The following SLC2A11 variants were observed in gnomAD, a reference collection of about 807,000 sequenced individuals.
The protein encoded by SLC2A11 is solute carrier family 2 member 11.
Under a neutral mutation model 52.1 loss-of-function variants are expected in SLC2A11, and 43 were observed. That is an observed-to-expected ratio of 0.82 (90% CI 0.65 to 1.06). SLC2A11 has a LOEUF of 1.06. SLC2A11 is among the 50% of genes least tolerant of loss of function. SLC2A11 has a pLI of 0.00. For synonymous variants in SLC2A11, 261 were observed against 277.6 expected, an observed-to-expected ratio of 0.94 and a Z score of 0.59; for missense variants, 582 against 654.2, an observed-to-expected ratio of 0.89 and a Z score of 1.20.
At position 23,884,892 on chromosome 22, in the gene SLC2A11, C is replaced by T. The variant is rs1210736433; in HGVS notation, c.*43C>T. The T allele has an allele frequency of 6.5e-7, 1 of 1,550,036 alleles. No homozygotes were observed. The highest frequency in any genetic ancestry group is 2.2e-5 in the East Asian group (1 of 44,472). The stretch of plus-strand genomic sequence containing the variant: ...GAGCCAAAGCCAGCTACTGTCCTGT[C>T]CTCTGCTTCCTGCCAGGGCCCTGGT... On this transcript the variant is annotated 3_prime_UTR_variant, in exon 12 of 12. Transcript: ENST00000316185. The surrounding 1 kb of genome is among the most constrained non-coding windows in gnomAD (Gnocchi z 4.3).
chr22:23,875,267 G>A, intron 4 of SLC2A11, 26 bp downstream of exon 4: 1 of 1,363,720 alleles, frequency 7.3e-7, no homozygotes. Flanking sequence ...TTCTCATCCT[G>A]CCTCTCTATG....
Position 23,877,738 on chromosome 22 carries a change from C to G in SLC2A11, c.563C>G (p.Pro188Arg), listed in dbSNP as rs772886467. The G allele has an allele frequency of 1.0e-5, 16 of 1,598,130 alleles. No homozygotes were observed. The highest frequency in any genetic ancestry group is 1.3e-5 in the Non-Finnish European group (15 of 1,173,092). ...VVGLRELLGG[P>R]QAWPLLLASC... ...CTCCTTAGGGAGCTCCTAGGTGGCC[C>G]TCAGGCCTGGCCCCTGCTGCTGGCC... The change falls in exon 6 of 12, where the codon CCT becomes CGT. Residue 188 changes from proline to arginine, a missense_variant. Transcript: ENST00000316185.
At chr22:23,863,608 G>GTT (rs71184923) in intron 2 of SLC2A11, among the ~76,000 whole-genome samples, 16,154 of 86,732 alleles carry the variant, frequency 0.19, 3,478 homozygotes, top group Non-Finnish European at 0.24. Context: ...TCTCTCTCTG[G>GTT]TTTTTTTTTT....
intron 1 of SLC2A11, among the ~76,000 whole-genome samples, chr22:23,860,482 A>G (rs945592525): frequency 1.3e-5 from 2 of 152,132 alleles, no homozygotes; most frequent in Non-Finnish European, 2.9e-5. Context: ...GACGACCTCA[A>G]CTACAGGTCG....
rs17550723 is a variant in SLC2A11, at chr22:23,857,924, T to C, written c.-76T>C. The stretch of plus-strand genomic sequence containing the variant: ...GCTGCCCTTCCCTCCGCGCACAGGC[T>C]GCCGGCTCACCGCTTGCTAATGGCA... On this transcript the variant is annotated 5_prime_UTR_variant, in exon 1 of 12. Transcript: ENST00000316185. 8.1e-5 allele frequency: 129 copies of C among 1,588,730 alleles called. 1 individual carries two copies. Among genetic ancestry groups the C allele is most frequent in the Admixed American group, 5.0e-4 (29 of 57,914 alleles).
intron 1 of SLC2A11, among the ~76,000 whole-genome samples, chr22:23,859,538 A>G (rs2031978090): frequency 6.6e-6 from 1 of 151,764 alleles, no homozygotes; most frequent in Non-Finnish European, 1.5e-5. Flanking sequence ...CCCAGGCAGG[A>G]GGGCAGTGGC....
intron 2 of SLC2A11, chr22:23,865,161 A>G (rs2032216201): frequency 6.6e-6 from 1 of 151,600 alleles, no homozygotes; most frequent in Non-Finnish European, 1.5e-5. Context: ...TCACGCCTGT[A>G]ATCCCAGCAC....
At chr22:23,857,624 T>C, upstream of SLC2A11, 5 of 850,748 alleles carry the variant, frequency 5.9e-6, no homozygotes, top group African/African-American at 4.4e-5. Flanking sequence ...TGGGGCGAAC[T>C]CCCCAGCACC....
At chr22:23,877,514 C>G (rs1460586675) in intron 5 of SLC2A11, 2 of 783,656 alleles carry the variant, frequency 2.6e-6, no homozygotes, top group South Asian at 2.9e-5. Flanking sequence ...AGAGGAGTTG[C>G]TAGGGATGAG....
In SLC2A11 at chr22:23,884,226, A is replaced by G; in HGVS notation, c.1172-76A>G. The G allele has an allele frequency of 6.5e-7, 1 of 1,540,670 alleles. No homozygotes were observed. The highest frequency in any genetic ancestry group is 2.3e-5 in the East Asian group (1 of 42,740). ...AGACTGGGCCTGGGCTCCCACTCCC[A>G]TGTCTGGGCTGGGGTCGGGGAGAGG... On this transcript the variant is annotated intron_variant, in intron 10 of 11. Transcript: ENST00000316185. The surrounding 1 kb of genome is among the most constrained non-coding windows in gnomAD (Gnocchi z 4.3).
rs779259223 is a variant in SLC2A11, at chr22:23,884,746, C to G, written c.1397C>G (p.Thr466Ser). 7 of 1,614,048 alleles carry G rather than the reference C, an allele frequency of 4.3e-6. No individual in the cohort carries two copies. In the Admixed American group the frequency reaches 1.0e-4, roughly 23 times the overall value. The change falls in exon 12 of 12, where the codon ACC (threonine) becomes AGC (serine). Residue 466 changes from threonine (T) to serine (S), a missense_variant. Transcript: ENST00000316185. This position sits in a 1 kb window ranked among gnomAD's most constrained non-coding sequence, Gnocchi z 4.3. ...TTCCTTCCTGAGACCAAAGGCAAGA[C>G]CTTCCAAGAGATCTCCAAGGAATTA... ...GLFLPETKGK[T>S]FQEISKELHR... is the part of the protein sequence containing the mutation.
At chr22:23,875,343 C>T (rs1406644216) in intron 4 of SLC2A11, 102 bp downstream of exon 4, 1 of 1,231,822 alleles carries the variant, frequency 8.1e-7, no homozygotes, top group African/African-American at 1.6e-5. Flanking sequence ...TCCCTTTATT[C>T]ATTCATTTAT....
At chr22:23,858,684 G>T (rs781426226) in intron 1 of SLC2A11, among the ~76,000 whole-genome samples, 6 of 152,152 alleles carry the variant, frequency 3.9e-5, no homozygotes, top group Admixed American at 6.5e-5. Flanking sequence ...GGGCGACGTA[G>T]CGAGACCTTG....
At chr22:23,858,376 G>A (rs1239038920) in intron 1 of SLC2A11, among the ~76,000 whole-genome samples, 1 of 138,848 alleles carries the variant, frequency 7.2e-6, no homozygotes, top group African/African-American at 2.6e-5. Flanking sequence ...TCCCACCCCC[G>A]CCTCTTTCCT....
At chr22:23,869,782 A>G (rs2032391587) in intron 3 of SLC2A11, 1 of 534,010 alleles carries the variant, frequency 1.9e-6, no homozygotes, top group African/African-American at 1.9e-5. Flanking sequence ...AGATCAAGGC[A>G]CCCAGCAGAT....
intron 6 of SLC2A11, among the ~76,000 whole-genome samples, chr22:23,878,729 C>G (rs2032706556): frequency 6.6e-6 from 1 of 152,206 alleles, no homozygotes; most frequent in South Asian, 2.1e-4. Flanking sequence ...GCAATTATTA[C>G]TTATGTCTCT....
chr22:23,882,934 T>A, intron 8 of SLC2A11, 65 bp downstream of exon 8: 1 of 1,386,436 alleles, frequency 7.2e-7, no homozygotes, highest in Non-Finnish European at 1.0e-6. Context: ...TCCTCTGCAT[T>A]AAACCAGTTT....
upstream of SLC2A11, chr22:23,857,567 G>C (rs769256508): frequency 1.7e-5 from 27 of 1,558,524 alleles, no homozygotes; most frequent in Non-Finnish European, 2.6e-6. Context: ...CCCCGCGGCG[G>C]TGACCCCAAA....
At chr22:23,882,402 G>A in intron 6 of SLC2A11, 57 bp from the exon 7 acceptor site, 3 of 1,437,732 alleles carry the variant, frequency 2.1e-6, no homozygotes, top group Non-Finnish European at 1.8e-6. Context: ...CGTCCCTGTA[G>A]GGGGACCAAA....
Sources: allele counts gnomAD v4.1 joint callset (sites outside exome capture counted in the v4.1 genomes callset), GRCh38; gene constraint gnomAD v4.1.1; non-coding constraint Gnocchi (gnomAD v3.1); transcripts MANE v1.5; gene names NCBI Gene and HGNC (gene_info 2026-07-23, HGNC 2026-07-21).